The following DNAJB14 variants were observed in gnomAD, a reference collection of about 807,000 sequenced individuals.
DNAJB14 encodes dnaJ homolog subfamily B member 14.
DNAJB14 carries 22 observed loss-of-function variants against 48.4 expected under a neutral mutation model. The observed-to-expected ratio is 0.45, with a 90% CI of 0.32 to 0.65. DNAJB14 has a LOEUF of 0.65. Ranked by LOEUF, DNAJB14 falls within the 30% of genes least tolerant of loss-of-function variation. DNAJB14 has a pLI of 0.03. For missense variants in DNAJB14, 319 were observed against 458.8 expected (o/e 0.70, Z 2.78); for synonymous variants, 142 against 158.7 (o/e 0.89, Z 0.79).
At chr4:99,943,621 G>A (rs866440483) in intron 1 of DNAJB14, among the ~76,000 whole-genome samples, 9 of 152,106 alleles carry the variant, frequency 5.9e-5, no homozygotes, top group African/African-American at 1.7e-4. Flanking sequence ...TTTTACAGAC[G>A]AAAAAGCTAA....
At chr4:99,910,702 C>A (rs946521053) in intron 3 of DNAJB14, among the ~76,000 whole-genome samples, 1 of 151,828 alleles carries the variant, frequency 6.6e-6, no homozygotes, top group Non-Finnish European at 1.5e-5. Context: ...TTGTGCTATA[C>A]CCATATAATC....
intron 2 of DNAJB14, chr4:99,928,813 TA>T (rs1369755356): frequency 6.4e-6 from 1 of 155,754 alleles, no homozygotes; most frequent in Non-Finnish European, 1.4e-5. Context: ...TCTCCCAACA[TA>T]AATTAAATCC....
At chr4:99,940,951 AT>A (rs928236958) in intron 1 of DNAJB14, among the ~76,000 whole-genome samples, 14 of 148,012 alleles carry the variant, frequency 9.5e-5, no homozygotes, top group South Asian at 2.1e-4. Flanking sequence ...ATATATATAT[AT>A]TTTTTTTTTG....
Position 99,900,407 on chromosome 4 carries a change from C to T in DNAJB14, c.*621G>A, listed in dbSNP as rs1725258669. ...AGCAAACTGATATTCTACACCAGTT[C>T]ATTTATCTCAATATATATTTTGGAA... is the stretch of plus-strand genomic sequence containing the variant. On this transcript the variant is annotated 3_prime_UTR_variant, in exon 8 of 8. Coordinates refer to ENST00000442697, the MANE Select transcript of DNAJB14 (RefSeq NM_001031723.4). 6.6e-6 allele frequency: 1 copy of T among 151,928 alleles called. No homozygotes were observed. Among genetic ancestry groups the T allele is most frequent in the South Asian group, 2.1e-4 (1 of 4,826 alleles). The allele number at this position is 151,928 out of a possible 1,614,324, so 9.4% of individuals were successfully genotyped here. A position where few individuals can be genotyped will look rare whatever the true frequency, so the allele number is the denominator to read the frequency against.
At chr4:99,906,244 T>C in intron 5 of DNAJB14, 23 of 1,308,462 alleles carry the variant, frequency 1.8e-5, no homozygotes, top group Non-Finnish European at 2.2e-5. Context: ...GGGCCAACAA[T>C]AACAAGTTAC....
At chr4:99,925,743 A>C (rs1012560896) in intron 2 of DNAJB14, 2 of 152,178 alleles carry the variant, frequency 1.3e-5, no homozygotes, top group Non-Finnish European at 2.9e-5. Flanking sequence ...TAAGTAAAAT[A>C]TAATGTACAT....
intron 2 of DNAJB14, chr4:99,929,489 A>G (rs1726382474): frequency 1.3e-5 from 2 of 152,242 alleles, no homozygotes; most frequent in African/African-American, 4.8e-5. Flanking sequence ...AAATATAAAT[A>G]TATGGGTATT....
intron 3 of DNAJB14, among the ~76,000 whole-genome samples, chr4:99,918,405 T>G (rs987972933): frequency 3.9e-5 from 6 of 152,254 alleles, no homozygotes; most frequent in African/African-American, 1.4e-4. Context: ...ATTTATATGA[T>G]CATAAACATT....
intron 3 of DNAJB14, among the ~76,000 whole-genome samples, chr4:99,919,622 C>A (rs1305524261): frequency 7.0e-6 from 1 of 142,566 alleles, no homozygotes; most frequent in African/African-American, 2.6e-5. Context: ...AAAACCTAAG[C>A]AACTAACTAA....
At chr4:99,931,112 A>T (rs1726451557) in intron 1 of DNAJB14, among the ~76,000 whole-genome samples, 1 of 152,216 alleles carries the variant, frequency 6.6e-6, no homozygotes, top group Non-Finnish European at 1.5e-5. Context: ...ACATTTTCCA[A>T]CAAATAGAAA....
At chr4:99,910,496 TTTAATAGTTTTAATACTTTAAAACTATTA>T (rs1725620964) in intron 3 of DNAJB14, 3 of 152,048 alleles carry the variant, frequency 2.0e-5, no homozygotes, top group Non-Finnish European at 4.4e-5. Flanking sequence ...ATAATGCTAC[TTTAATAGTTTTAATACTTTAAAACTATTA>T]ATATATAGGC....
rs1392682829 is a variant in DNAJB14, at chr4:99,896,909, T to TTAC, written c.*4116_*4118dup. The TTAC allele has an allele frequency of 6.6e-6, 1 of 152,104 alleles. No individual in the cohort carries two copies. The highest frequency in any genetic ancestry group is 1.5e-5 in the Non-Finnish European group (1 of 67,966). 9.4% of individuals were successfully genotyped at this position (152,104 alleles called of 1,614,324 possible). A position where few individuals can be genotyped will look rare whatever the true frequency, so the allele number is the denominator to read the frequency against. On this transcript the variant is annotated 3_prime_UTR_variant, in exon 8 of 8. Coordinates refer to ENST00000442697, the MANE Select transcript of DNAJB14 (RefSeq NM_001031723.4). Reference sequence around the variant, plus strand: ...ACTAGTCATCCCAGTTTTTACTAACTTACTAAACAAGGACATTTCAAGAAA... The same window carrying TTAC: ...ACTAGTCATCCCAGTTTTTACTAACTTACTACTAAACAAGGACATTTCAAGAAA...
At chr4:99,946,054 G>C (rs1428851038) in intron 1 of DNAJB14, among the ~76,000 whole-genome samples, 1 of 152,222 alleles carries the variant, frequency 6.6e-6, no homozygotes, top group Non-Finnish European at 1.5e-5. Flanking sequence ...TAGGGGCCTA[G>C]GCCTTATGTA....
In DNAJB14 at chr4:99,930,623, T is replaced by G. The variant is rs374099357; in HGVS notation, c.134-2A>C. ...TTTTCATAATTATTTCCAATAGTGCTGTAGAAAGATAAAGTACACTATGCC... is the reference window on the plus strand; with the variant it reads ...TTTTCATAATTATTTCCAATAGTGCGGTAGAAAGATAAAGTACACTATGCC... On this transcript the variant is annotated splice_acceptor_variant, in intron 1 of 7. Coordinates refer to ENST00000442697, the MANE Select transcript of DNAJB14 (RefSeq NM_001031723.4). LOFTEE classifies it high-confidence loss of function. 2 of 1,607,520 alleles carry G rather than the reference T, an allele frequency of 1.2e-6. No homozygotes were observed. Among genetic ancestry groups the G allele is most frequent in the Non-Finnish European group, 1.7e-6 (2 of 1,176,872 alleles).
At chr4:99,922,506 TA>T (rs1175355096) in intron 3 of DNAJB14, 1 of 151,190 alleles carries the variant, frequency 6.6e-6, no homozygotes, top group African/African-American at 2.4e-5. Flanking sequence ...GGATGGAAAA[TA>T]AAAAAATAAA....
rs149035912 is a variant in DNAJB14 at position 99,911,821 on chromosome 4, A to C, written c.452-2925T>G. On this transcript the variant is annotated intron_variant, in intron 3 of 7. Transcript: ENST00000442697. ...GTCCTTTGTCAAATACGTGCCTGGC[A>C]AATCTTTTTTTCCATCCTGGAGCTT... Among the ~76,000 whole-genome samples, 1,248 of 152,272 alleles carry C rather than the reference A, an allele frequency of 8.2e-3. 10 individuals are homozygous for C. The highest frequency in any genetic ancestry group is 0.028 in the African/African-American group (1,176 of 41,554).
intron 1 of DNAJB14, among the ~76,000 whole-genome samples, chr4:99,937,352 C>T (rs1465083495): frequency 1.3e-5 from 2 of 152,030 alleles, no homozygotes; most frequent in Non-Finnish European, 2.9e-5. Context: ...ACAGCAATCA[C>T]TAACTTAACT....
intron 1 of DNAJB14, chr4:99,942,359 A>T (rs1345290260): frequency 6.6e-6 from 1 of 151,998 alleles, no homozygotes; most frequent in East Asian, 1.9e-4. Context: ...ACTATTTCCC[A>T]ATTATTATGA....
In DNAJB14 at chr4:99,934,974, A is replaced by AG. The variant is rs1269614563; in HGVS notation, c.134-4354dup. 2.6e-5 allele frequency among the ~76,000 whole-genome samples: 4 copies of AG among 151,682 alleles called. No homozygotes were observed. In the South Asian group the frequency reaches 8.3e-4, roughly 31 times the overall value. On this transcript the variant is annotated intron_variant, in intron 1 of 7. Coordinates refer to ENST00000442697, the MANE Select transcript of DNAJB14 (RefSeq NM_001031723.4). ...TAAAAGAGAAAGAAAATATACCAGA[A>AG]GGAAATTTAAAACATTTTTTTAAAA...
Sources: allele counts gnomAD v4.1 joint callset (sites outside exome capture counted in the v4.1 genomes callset), GRCh38; gene constraint gnomAD v4.1.1; transcripts MANE v1.5; gene names NCBI Gene and HGNC (gene_info 2026-07-23, HGNC 2026-07-21).